GUCY1A2: variants seen among roughly 807,000 people sequenced by gnomAD.
The protein encoded by GUCY1A2 is guanylate cyclase 1 soluble subunit alpha 2.
In GUCY1A2, 27 loss-of-function variants were observed where a neutral mutation model predicts 63.5. The ratio of observed to expected loss-of-function variants is 0.43; its 90% CI spans 0.31 to 0.59. GUCY1A2 has a LOEUF of 0.59. GUCY1A2 is among the 20% of genes least tolerant of loss of function. GUCY1A2 has a pLI of 0.11. For synonymous variants in GUCY1A2, 364 were observed against 343.5 expected (o/e 1.06, Z -0.66); for missense variants, 768 against 913.3 (o/e 0.84, Z 2.05).
At chr11:106,844,878 A>G (rs1859249943) in intron 4 of GUCY1A2, among the ~76,000 whole-genome samples, 1 of 151,768 alleles carries the variant, frequency 6.6e-6, no homozygotes, top group Non-Finnish European at 1.5e-5. Context: ...GCTTTTGCCT[A>G]TGATTCTCAC....
At chr11:106,908,780 G>A (rs11604984) in intron 4 of GUCY1A2, among the ~76,000 whole-genome samples, 1 of 151,984 alleles carries the variant, frequency 6.6e-6, no homozygotes, top group African/African-American at 2.4e-5. Context: ...AAATCAACCA[G>A]GGCTGGTCCA....
intron 6 of GUCY1A2, among the ~76,000 whole-genome samples, chr11:106,737,246 A>G (rs1373611876): frequency 6.6e-6 from 1 of 152,144 alleles, no homozygotes; most frequent in African/African-American, 2.4e-5. Flanking sequence ...AACTTAACAT[A>G]CTTACTCTGG....
chr11:106,918,319 T>C lies in GUCY1A2; in HGVS notation c.1206+21141A>G, dbSNP rs1269367497. Among the ~76,000 whole-genome samples the C allele has an allele frequency of 2.7e-5, 4 of 145,730 alleles. 1 individual carries two copies. Among genetic ancestry groups the C allele is most frequent in the South Asian group, 2.4e-4 (1 of 4,184 alleles). On this transcript the variant is annotated intron_variant, in intron 4 of 7. Coordinates refer to ENST00000526355, the MANE Select transcript of GUCY1A2 (RefSeq NM_000855.3). Reference sequence around the variant, plus strand: ...TGCAGTGACACTGCAGAGCCCCACATTGAATGCAGCACTTGGCAACTGTCC... The same window carrying C: ...TGCAGTGACACTGCAGAGCCCCACACTGAATGCAGCACTTGGCAACTGTCC...
intron 4 of GUCY1A2, among the ~76,000 whole-genome samples, chr11:106,848,392 A>G (rs1448757812): frequency 6.6e-6 from 1 of 151,688 alleles, no homozygotes; most frequent in Admixed American, 6.6e-5. Flanking sequence ...ATATTAATTC[A>G]TTCACTCATT....
rs1862482480 is a variant in GUCY1A2, at chr11:106,684,233, A to AGAGT, written c.*3312_*3315dup. On this transcript the variant is annotated 3_prime_UTR_variant, in exon 8 of 8. Coordinates refer to ENST00000526355, the MANE Select transcript of GUCY1A2 (RefSeq NM_000855.3). ...AGTCTCAGGCATCAATGTCTGTCTC[A>AGAGT]GAGTCCCAGATCAAAGCTCACTTGA... 5.4e-6 allele frequency: 1 copy of AGAGT among 183,966 alleles called. No homozygotes were observed. Among genetic ancestry groups the AGAGT allele is most frequent in the Admixed American group, 6.3e-5 (1 of 16,000 alleles). 11.4% of individuals were successfully genotyped at this position (183,966 alleles called of 1,614,324 possible).
At chr11:106,869,196 G>A (rs1338451103) in intron 4 of GUCY1A2, among the ~76,000 whole-genome samples, 1 of 152,068 alleles carries the variant, frequency 6.6e-6, no homozygotes, top group Non-Finnish European at 1.5e-5. Flanking sequence ...ACATAGGCAC[G>A]GGCAAGGACT....
chr11:106,710,400 A>G (rs1329243506), intron 6 of GUCY1A2, among the ~76,000 whole-genome samples: 2 of 134,488 alleles, frequency 1.5e-5, no homozygotes, highest in African/African-American at 5.5e-5. Flanking sequence ...ATAGTTATAT[A>G]TTATATACAT....
At chr11:106,711,131 A>T (rs990908870) in intron 6 of GUCY1A2, among the ~76,000 whole-genome samples, 1 of 152,190 alleles carries the variant, frequency 6.6e-6, no homozygotes, top group African/African-American at 2.4e-5. Context: ...GCCCTACCAT[A>T]AACATATCTA....
At chr11:106,737,795 T>C (rs904540222) in intron 6 of GUCY1A2, among the ~76,000 whole-genome samples, 1 of 152,220 alleles carries the variant, frequency 6.6e-6, no homozygotes, top group Non-Finnish European at 1.5e-5. Flanking sequence ...ATCCAGTCTA[T>C]GATTGATGGG....
At chr11:106,751,399 T>G (rs754981203) in intron 6 of GUCY1A2, among the ~76,000 whole-genome samples, 1 of 152,094 alleles carries the variant, frequency 6.6e-6, no homozygotes, top group Non-Finnish European at 1.5e-5. Context: ...AAAGACTCTT[T>G]CGAAGTTTTA....
At chr11:106,884,458 A>G (rs1403412886) in intron 4 of GUCY1A2, among the ~76,000 whole-genome samples, 1 of 152,156 alleles carries the variant, frequency 6.6e-6, no homozygotes, top group Admixed American at 6.6e-5. Flanking sequence ...TGAGAGTGAG[A>G]GAGAGCATGG....
chr11:106,676,996 T>C lies in GUCY1A2; in HGVS notation c.*10553A>G. ...TCTCTGGAAGTCAAGGTCCCAATTCTCTCAGTCACTTCTATCCTCAACTGA... is the reference window on the plus strand; with the variant it reads ...TCTCTGGAAGTCAAGGTCCCAATTCCCTCAGTCACTTCTATCCTCAACTGA... On this transcript the variant is annotated 3_prime_UTR_variant, in exon 8 of 8. Transcript: ENST00000526355. The C allele has an allele frequency of 4.7e-6, 1 of 213,330 alleles. No homozygotes were observed. The highest frequency in any genetic ancestry group is 6.9e-5 in the East Asian group (1 of 14,496). 13.2% of individuals were successfully genotyped at this position (213,330 alleles called of 1,614,324 possible).
Position 106,978,611 on chromosome 11 carries a change from T to C in GUCY1A2, c.487+8A>G. On this transcript the variant is annotated splice_region_variant and intron_variant, in intron 3 of 7. Coordinates refer to ENST00000526355, the MANE Select transcript of GUCY1A2 (RefSeq NM_000855.3). Reference sequence around the variant, plus strand: ...TCTCATCCATATAAATATATATAGTTAATATACCGAGTATATTAGCAGTAC... The same window carrying C: ...TCTCATCCATATAAATATATATAGTCAATATACCGAGTATATTAGCAGTAC... 1 of 1,475,066 alleles carries C rather than the reference T, an allele frequency of 6.8e-7. No individual in the cohort carries two copies. Among genetic ancestry groups the C allele is most frequent in the Non-Finnish European group, 9.4e-7 (1 of 1,067,794 alleles). The allele number at this position is 1,475,066 out of a possible 1,614,324, so 91.4% of individuals were successfully genotyped here. A position where few individuals can be genotyped will look rare whatever the true frequency, so the allele number is the denominator to read the frequency against.
chr11:106,856,422 T>A (rs969392174), intron 4 of GUCY1A2, among the ~76,000 whole-genome samples: 2 of 152,080 alleles, frequency 1.3e-5, no homozygotes, highest in African/African-American at 4.8e-5. Flanking sequence ...AAAAAAGATC[T>A]GCCTTTTTTT....
chr11:106,782,369 T>C (rs1864480230), intron 5 of GUCY1A2, among the ~76,000 whole-genome samples: 1 of 152,140 alleles, frequency 6.6e-6, no homozygotes, highest in South Asian at 2.1e-4. Flanking sequence ...CAGATATAGA[T>C]AAACTTTAAA....
At chr11:106,873,308 T>C (rs181629947) in intron 4 of GUCY1A2, among the ~76,000 whole-genome samples, 1 of 152,306 alleles carries the variant, frequency 6.6e-6, no homozygotes, top group African/African-American at 2.4e-5. Flanking sequence ...CTGGGTCAAA[T>C]GGTACTTCTG....
intron 6 of GUCY1A2, among the ~76,000 whole-genome samples, chr11:106,720,222 G>A (rs985853134): frequency 2.4e-4 from 37 of 152,168 alleles, no homozygotes; most frequent in African/African-American, 8.9e-4. Context: ...AAAACAGTTT[G>A]GGTGGCAACC....
At chr11:106,691,988 T>G (rs1486831983) in intron 7 of GUCY1A2, among the ~76,000 whole-genome samples, 1 of 152,084 alleles carries the variant, frequency 6.6e-6, no homozygotes, top group Non-Finnish European at 1.5e-5. Context: ...TCACACAGCA[T>G]GCCTGTTGAT....
At chr11:106,759,792 A>C (rs1294587600) in intron 6 of GUCY1A2, among the ~76,000 whole-genome samples, 1 of 152,172 alleles carries the variant, frequency 6.6e-6, no homozygotes, top group Non-Finnish European at 1.5e-5. Context: ...AAAATTAGCC[A>C]GTCGTTGGGG....
Sources: allele counts gnomAD v4.1 joint callset (sites outside exome capture counted in the v4.1 genomes callset), GRCh38; gene constraint gnomAD v4.1.1; transcripts MANE v1.5; gene names NCBI Gene and HGNC (gene_info 2026-07-23, HGNC 2026-07-21).